Variants in INPP5D observed in about 807,000 individuals in gnomAD.
INPP5D encodes phosphatidylinositol 3,4,5-trisphosphate 5-phosphatase 1.
Under a neutral mutation model 122.9 loss-of-function variants are expected in INPP5D, and 33 were observed. That is an observed-to-expected ratio of 0.27 (90% CI 0.20 to 0.36). INPP5D has a LOEUF of 0.36. Ranked by LOEUF, INPP5D falls within the 10% of genes least tolerant of loss-of-function variation. The probability of loss-of-function intolerance (pLI) is 1.00; values close to 1 mark genes in which losing one functional copy is unlikely to be tolerated. For missense variants in INPP5D, 1,053 were observed against 1,412.7 expected (o/e 0.75, Z 4.08); for synonymous variants, 584 against 576.2 (o/e 1.01, Z -0.19).
chr2:233,077,927 G>T (rs75880280), intron 1 of INPP5D, among the ~76,000 whole-genome samples: 3,617 of 152,160 alleles, frequency 0.024, 74 homozygotes, highest in East Asian at 0.085. Context: ...TCAGTGGAGT[G>T]CCTGTACCTG....
rs780515179 is a variant in INPP5D, at chr2:233,122,238, C to A, written c.330C>A (p.Asp110Glu). 1.2e-6 allele frequency: 2 copies of A among 1,613,560 alleles called. No homozygotes were observed. The highest frequency in any genetic ancestry group is 2.7e-5 in the African/African-American group (2 of 74,864). The part of the protein sequence containing the change: ...PVPLEEEDTG[D>E]DPEEDTVESV... ...CGCTGGAGGAAGAGGACACAGGCGA[C>A]GACCCTGAGGAGGACACAGGTAGGG... is the stretch of plus-strand genomic sequence containing the variant. Residue 110 changes from aspartate (D) to glutamate (E), a missense_variant, in exon 3 of 27, where the codon GAC (aspartate) becomes GAA (glutamate). Asp to Glu is a conservative substitution (Grantham distance 45). Around this residue, in one of 6 missense-constraint regions of INPP5D, gnomAD observed 196 missense variants for 175.6 expected, o/e 1.12. Coordinates refer to ENST00000445964, the MANE Select transcript of INPP5D (RefSeq NM_001017915.3).
chr2:233,105,081 C>T lies in INPP5D; in HGVS notation c.199-17026C>T, dbSNP rs114602696. ...GGGTAGGGATAGGGAATGTGGACCT[C>T]CCGGGTTTCTCCTGGATTTCCCCAT... On this transcript the variant is annotated intron_variant, in intron 2 of 26. Coordinates refer to ENST00000445964, the MANE Select transcript of INPP5D (RefSeq NM_001017915.3). This position sits in a 1 kb window ranked among gnomAD's most constrained non-coding sequence, Gnocchi z 4.0. Among the ~76,000 whole-genome samples the T allele has an allele frequency of 3.1e-3, 470 of 152,288 alleles. 3 individuals are homozygous for T. Among genetic ancestry groups the T allele is most frequent in the South Asian group, 7.1e-3 (34 of 4,820 alleles).
At chr2:233,150,555 T>G (rs1032826196) in intron 9 of INPP5D, among the ~76,000 whole-genome samples, 1 of 152,128 alleles carries the variant, frequency 6.6e-6, no homozygotes, top group African/African-American at 2.4e-5. Context: ...AACGTTAAGA[T>G]GAGTGAAGAC....
At chr2:233,086,189 C>CTTTCTTTCTTTT (rs60296918) in intron 2 of INPP5D, among the ~76,000 whole-genome samples, 3 of 129,528 alleles carry the variant, frequency 2.3e-5, no homozygotes, top group African/African-American at 6.1e-5. Context: ...TTCTTTCTTT[C>CTTTCTTTCTTTT]CTTTTTGAGA....
At chr2:233,101,331 C>T (rs971328814) in intron 2 of INPP5D, among the ~76,000 whole-genome samples, 2 of 152,172 alleles carry the variant, frequency 1.3e-5, no homozygotes, top group Admixed American at 6.6e-5. Flanking sequence ...AGTGCCAGCA[C>T]CCCATGGGCA....
At chr2:233,148,632 G>T (rs531698770) in intron 9 of INPP5D, among the ~76,000 whole-genome samples, 5 of 152,256 alleles carry the variant, frequency 3.3e-5, no homozygotes, top group African/African-American at 1.2e-4. Flanking sequence ...CAGGACCAGA[G>T]GGCTGACGAA....
At chr2:233,156,011 T>C (rs1694043601) in intron 9 of INPP5D, among the ~76,000 whole-genome samples, 1 of 152,194 alleles carries the variant, frequency 6.6e-6, no homozygotes, top group Admixed American at 6.5e-5. Flanking sequence ...ATTTATTACA[T>C]TGAAAGGATA....
chr2:233,204,308 C>A lies in INPP5D; in HGVS notation c.3158C>A (p.Pro1053His), dbSNP rs1193906621. 1 of 1,612,218 alleles carries A rather than the reference C, an allele frequency of 6.2e-7. No individual in the cohort carries two copies. The highest frequency in any genetic ancestry group is 8.5e-7 in the Non-Finnish European group (1 of 1,179,394). Reference protein sequence around the residue: ...PRKEPPPCPEPGILSPSIVLT... With the variant: ...PRKEPPPCPEHGILSPSIVLT... Reference sequence around the variant, plus strand: ...AAGGAACCCCCGCCCTGCCCGGAACCCGGCATCTTGTCGCCCAGCATCGTG... The same window carrying A: ...AAGGAACCCCCGCCCTGCCCGGAACACGGCATCTTGTCGCCCAGCATCGTG... The change falls in exon 26 of 27, where the codon CCC becomes CAC. Residue 1053 changes from proline (P) to histidine (H), a missense_variant. Transcript: ENST00000445964.
chr2:233,069,626 G>C (rs1357863531), intron 1 of INPP5D, among the ~76,000 whole-genome samples: 1 of 152,026 alleles, frequency 6.6e-6, no homozygotes, highest in Non-Finnish European at 1.5e-5. Flanking sequence ...TTTAGTCTGA[G>C]ATTTCTAGCA....
At chr2:233,069,748 T>C (rs1377426183) in intron 1 of INPP5D, among the ~76,000 whole-genome samples, 1 of 152,248 alleles carries the variant, frequency 6.6e-6, no homozygotes, top group Non-Finnish European at 1.5e-5. Flanking sequence ...TCTTCTATTA[T>C]CAGATATTTA....
At chr2:233,062,306 C>T (rs1178931931) in intron 1 of INPP5D, among the ~76,000 whole-genome samples, 5 of 152,136 alleles carry the variant, frequency 3.3e-5, no homozygotes, top group Admixed American at 2.6e-4. Flanking sequence ...AGACATGGGG[C>T]GTGGGTCTCT....
chr2:233,127,690 C>A (rs893420120), intron 4 of INPP5D, among the ~76,000 whole-genome samples: 1 of 152,212 alleles, frequency 6.6e-6, no homozygotes, highest in Admixed American at 6.5e-5. Flanking sequence ...CTCACTGCAA[C>A]CTCCCCCTCC....
At chr2:233,166,397 G>A (rs1694341009) in intron 13 of INPP5D, among the ~76,000 whole-genome samples, 1 of 152,218 alleles carries the variant, frequency 6.6e-6, no homozygotes, top group African/African-American at 2.4e-5. Flanking sequence ...CAGACGGGAG[G>A]AAAAGAAGCC....
At chr2:233,086,954 T>C (rs552498727) in intron 2 of INPP5D, among the ~76,000 whole-genome samples, 31 of 152,314 alleles carry the variant, frequency 2.0e-4, no homozygotes, top group African/African-American at 7.5e-4. Context: ...TAATGACTTA[T>C]GTTCCTGTCA....
rs546561115 is a variant in INPP5D, at chr2:233,129,557, C to T, written c.525-951C>T. 2.0e-5 allele frequency among the ~76,000 whole-genome samples: 3 copies of T among 152,308 alleles called. No homozygotes were observed. In the South Asian group the frequency reaches 6.2e-4, roughly 32 times the overall value. Reference sequence around the variant, plus strand: ...GGTTGATCTGCACAGTGAACAAATCCTGCCTTCAGCCCCATTCACTCTGTA... The same window carrying T: ...GGTTGATCTGCACAGTGAACAAATCTTGCCTTCAGCCCCATTCACTCTGTA... On this transcript the variant is annotated intron_variant, in intron 4 of 26. Transcript: ENST00000445964.
chr2:233,144,057 G>A (rs1346212388), intron 6 of INPP5D, among the ~76,000 whole-genome samples: 2 of 141,398 alleles, frequency 1.4e-5, no homozygotes, highest in African/African-American at 2.8e-5. Flanking sequence ...TGGCGATGGT[G>A]GAGGTGGTCA....
chr2:233,118,440 A>G (rs116791109), intron 2 of INPP5D, among the ~76,000 whole-genome samples: 10 of 152,254 alleles, frequency 6.6e-5, no homozygotes, highest in South Asian at 2.1e-4. Context: ...TGTAGCTTCT[A>G]TGATCCCCTT....
chr2:233,193,632 G>A lies in INPP5D; in HGVS notation c.2447-180G>A, dbSNP rs552684384. 5.9e-5 allele frequency among the ~76,000 whole-genome samples: 9 copies of A among 152,208 alleles called. No homozygotes were observed. In the East Asian group the frequency reaches 1.3e-3, roughly 23 times the overall value. ...ATTTTTTTTACATCAACTAATCCACGTTTTGTTCTAAGACTTGAGACATTT... is the reference window on the plus strand; with the variant it reads ...ATTTTTTTTACATCAACTAATCCACATTTTGTTCTAAGACTTGAGACATTT... On this transcript the variant is annotated intron_variant, in intron 22 of 26. Transcript: ENST00000445964.
rs1559298057 is a variant in INPP5D at position 233,112,684 on chromosome 2, T to TA, written c.199-9423_199-9422insA. Among the ~76,000 whole-genome samples, 44 of 152,294 alleles carry TA rather than the reference T, an allele frequency of 2.9e-4. No individual in the cohort carries two copies. In the East Asian group the frequency reaches 7.5e-3, roughly 26 times the overall value. On this transcript the variant is annotated intron_variant, in intron 2 of 26. Coordinates refer to ENST00000445964, the MANE Select transcript of INPP5D (RefSeq NM_001017915.3). ...CTGTATTTATCTATATATCTTTTTT[T>TA]TAAAAAATACCGCATCTCACTCTGT... is the stretch of plus-strand genomic sequence containing the variant.
Sources: allele counts gnomAD v4.1 joint callset (sites outside exome capture counted in the v4.1 genomes callset), GRCh38; gene constraint gnomAD v4.1.1; regional missense constraint gnomAD v4.1.1; non-coding constraint Gnocchi (gnomAD v3.1); transcripts MANE v1.5; gene names NCBI Gene and HGNC (gene_info 2026-07-23, HGNC 2026-07-21).